The following EGFLAM variants were observed in gnomAD, a reference collection of about 807,000 sequenced individuals.
The protein encoded by EGFLAM is pikachurin.
Under a neutral mutation model 113.1 loss-of-function variants are expected in EGFLAM, and 79 were observed. The ratio of observed to expected loss-of-function variants is 0.70; its 90% confidence interval spans 0.58 to 0.84. The LOEUF is 0.84. Among genes scored for constraint, EGFLAM ranks in the 40% least tolerant of loss-of-function variants. The pLI, the probability that EGFLAM is intolerant of heterozygous loss-of-function variation, is 0.00. For missense variants in EGFLAM, 1,265 were observed against 1,291.6 expected (o/e 0.98, Z 0.32); for synonymous variants, 504 against 487.6 (o/e 1.03, Z -0.44).
chr5:38,438,562 C>T (rs1579932888), intron 17 of EGFLAM, 107 bp downstream of exon 17: 1 of 1,085,844 alleles, frequency 9.2e-7, no homozygotes. Context: ...GTGGTACAAC[C>T]ATAGTGGTTA....
intron 18 of EGFLAM, 28 bp downstream of exon 18, chr5:38,448,407 C>T (rs1169426815): frequency 1.2e-6 from 2 of 1,610,218 alleles, no homozygotes; most frequent in Middle Eastern, 1.7e-4. Flanking sequence ...GCACCTTCCT[C>T]AGCTTTCTGG....
In EGFLAM at chr5:38,309,331, C is replaced by T. The variant is rs931345021; in HGVS notation, c.98-28189C>T. On this transcript the variant is annotated intron_variant, in intron 1 of 21. Transcript: ENST00000322350. The stretch of plus-strand genomic sequence containing the variant: ...GGTATGCTCTACAAATTGGGTCTTT[C>T]GGAAAAACTTTTACCAGCACACCAC... Among the ~76,000 whole-genome samples the T allele has an allele frequency of 9.9e-5, 15 of 152,236 alleles. No individual in the cohort carries two copies. In the East Asian group the frequency reaches 1.4e-3, roughly 14 times the overall value.
chr5:38,354,983 G>A (rs527700158), intron 5 of EGFLAM, among the ~76,000 whole-genome samples: 10 of 152,280 alleles, frequency 6.6e-5, no homozygotes, highest in South Asian at 6.2e-4. Context: ...ATTGGCAGCC[G>A]TGTGGCCCAG....
chr5:38,298,023 C>T (rs1303620635), intron 1 of EGFLAM, among the ~76,000 whole-genome samples: 4 of 152,286 alleles, frequency 2.6e-5, no homozygotes, highest in Admixed American at 2.0e-4. Context: ...TAAAGAACAT[C>T]CTGGGAAGAG....
rs139882517 is a variant in EGFLAM, at chr5:38,370,395, C to T, written c.645C>T (p.Ala215=). ...GLDPDTNYQF[A]VRAMNSHGPS... is the part of the protein sequence containing the mutation. ...ATCCAGATACCAACTACCAGTTTGC[C>T]GTGAGGGCAATGAATTCCCATGGCC... is the stretch of plus-strand genomic sequence containing the variant. Residue 215 remains alanine (A), a synonymous_variant, in exon 6 of 22, where the codon GCC becomes GCT. Coordinates refer to ENST00000322350, the MANE Select transcript of EGFLAM (RefSeq NM_152403.4). 45 of 1,614,068 alleles carry T rather than the reference C, an allele frequency of 2.8e-5. No individual in the cohort carries two copies. The highest frequency in any genetic ancestry group is 3.3e-4 in the Middle Eastern group (2 of 6,084).
chr5:38,311,893 A>G (rs914659723), intron 1 of EGFLAM, among the ~76,000 whole-genome samples: 1 of 152,216 alleles, frequency 6.6e-6, no homozygotes, highest in South Asian at 2.1e-4. Flanking sequence ...AGGGAGCAGC[A>G]GAGGAAAAAA....
chr5:38,367,025 C>T (rs1740077891), intron 5 of EGFLAM, among the ~76,000 whole-genome samples: 1 of 152,186 alleles, frequency 6.6e-6, no homozygotes, highest in Non-Finnish European at 1.5e-5. Context: ...AATTCACCTG[C>T]CCAGCAACCT....
At chr5:38,344,483 C>CA (rs10577346) in intron 3 of EGFLAM, among the ~76,000 whole-genome samples, 22 of 139,086 alleles carry the variant, frequency 1.6e-4, no homozygotes, top group South Asian at 4.7e-4. Flanking sequence ...AACTCTGTTT[C>CA]AAAAAAAAAA....
intron 3 of EGFLAM, among the ~76,000 whole-genome samples, chr5:38,339,173 CAGA>C (rs1033273161): frequency 1.1e-4 from 16 of 151,900 alleles, no homozygotes; most frequent in Admixed American, 6.6e-4. Flanking sequence ...AGACACAATG[CAGA>C]AGAAGAAGAT....
At chr5:38,388,302 C>G (rs2112080590) in intron 6 of EGFLAM, among the ~76,000 whole-genome samples, 1 of 152,264 alleles carries the variant, frequency 6.6e-6, no homozygotes, top group East Asian at 1.9e-4. Flanking sequence ...CAAGGTCTTA[C>G]AGAACTCTTA....
At chr5:38,364,582 G>C (rs1740010472) in intron 5 of EGFLAM, among the ~76,000 whole-genome samples, 1 of 152,138 alleles carries the variant, frequency 6.6e-6, no homozygotes, top group African/African-American at 2.4e-5. Context: ...ATCCTGAAGG[G>C]AATAGGGAGC....
chr5:38,274,112 C>T (rs981783237), intron 1 of EGFLAM, among the ~76,000 whole-genome samples: 1 of 151,618 alleles, frequency 6.6e-6, no homozygotes, highest in African/African-American at 2.4e-5. Context: ...ACAGAAGAAA[C>T]AATCTGTGAA....
chr5:38,444,835 C>T (rs1370801323), intron 17 of EGFLAM, among the ~76,000 whole-genome samples: 2 of 152,168 alleles, frequency 1.3e-5, no homozygotes, highest in Non-Finnish European at 2.9e-5. Context: ...GTCCCAGCTA[C>T]TCAGGAGGCT....
chr5:38,445,695 C>T, intron 17 of EGFLAM: 1 of 1,598,420 alleles, frequency 6.3e-7, no homozygotes, highest in Non-Finnish European at 8.5e-7. Flanking sequence ...GGAACTACTG[C>T]CTCAATAGTA....
At chr5:38,338,597 A>C in intron 2 of EGFLAM, 101 bp from the exon 3 acceptor site, 1 of 1,102,930 alleles carries the variant, frequency 9.1e-7, no homozygotes, top group South Asian at 1.3e-5. Flanking sequence ...GATGTTAGGC[A>C]ACGCACCTCA....
intron 17 of EGFLAM, 28 bp downstream of exon 17, chr5:38,438,483 C>A: frequency 1.3e-6 from 2 of 1,540,704 alleles, no homozygotes; most frequent in Middle Eastern, 1.8e-4. Flanking sequence ...AGGCACAGCT[C>A]CCTGGAGGGA....
intron 15 of EGFLAM, among the ~76,000 whole-genome samples, chr5:38,432,891 C>T (rs915140888): frequency 6.6e-6 from 1 of 152,332 alleles, no homozygotes; most frequent in African/African-American, 2.4e-5. Flanking sequence ...GAAACCAATA[C>T]GGTGACACCT....
intron 15 of EGFLAM, among the ~76,000 whole-genome samples, chr5:38,432,097 C>T (rs1056282228): frequency 7.9e-5 from 12 of 152,082 alleles, no homozygotes; most frequent in African/African-American, 2.7e-4. Context: ...TAGGATTCTG[C>T]GAACACACAC....
chr5:38,363,141 G>C (rs2112017206), intron 5 of EGFLAM, among the ~76,000 whole-genome samples: 1 of 152,244 alleles, frequency 6.6e-6, no homozygotes, highest in African/African-American at 2.4e-5. Flanking sequence ...TGACTACTGA[G>C]TGGTTTTGGA....
Sources: gnomAD v4.1 joint callset for allele counts (sites outside exome capture counted in the v4.1 genomes callset) on GRCh38, gnomAD v4.1.1 for gene constraint, MANE v1.5 for transcripts, NCBI Gene and HGNC (gene_info 2026-07-23, HGNC 2026-07-21) for gene names.